Variants in ADAMTSL1 observed in about 807,000 individuals in gnomAD.
ADAMTSL1 encodes ADAMTS like 1, also known as ADAMTS-like protein 1.
ADAMTSL1 carries 126 observed loss-of-function variants against 201.8 expected under a neutral mutation model. The ratio of observed to expected loss-of-function variants is 0.62; its 90% confidence interval spans 0.54 to 0.72. The LOEUF is 0.72. Among genes scored for constraint, ADAMTSL1 ranks in the 30% least tolerant of loss-of-function variants. The probability of loss-of-function intolerance (pLI) is 0.00; values close to 1 mark genes in which losing one functional copy is unlikely to be tolerated. For synonymous variants in ADAMTSL1, 1,121 were observed against 903.4 expected, an observed-to-expected ratio of 1.24 and a Z score of -4.32; for missense variants, 2,679 against 2,277.8, an observed-to-expected ratio of 1.18 and a Z score of -3.59.
chr9:17,957,022 A>T lies in ADAMTSL1; in HGVS notation c.87+50100A>T, dbSNP rs1325911276. On this transcript the variant is annotated intron_variant, in intron 1 of 29. Transcript: ENST00000680146. ...AATGAAATGGCATAGCTATCTCATGATTCAGGATATATACATATTTTCCTA... is the reference window on the plus strand; with the variant it reads ...AATGAAATGGCATAGCTATCTCATGTTTCAGGATATATACATATTTTCCTA... Among the ~76,000 whole-genome samples, 13 of 152,154 alleles carry T rather than the reference A, an allele frequency of 8.5e-5. 1 individual carries two copies. In the East Asian group the frequency reaches 2.5e-3, roughly 29 times the overall value.
intron 2 of ADAMTSL1, among the ~76,000 whole-genome samples, chr9:18,437,003 A>G: frequency 6.6e-6 from 1 of 151,924 alleles, no homozygotes; most frequent in East Asian, 1.9e-4. Context: ...TCTCAAATTG[A>G]AGCCAGGGTG....
rs74712655 is a variant in ADAMTSL1 at position 18,145,575 on chromosome 9, A to G, written c.88-18287A>G. ...AACATGCAACAAAATGAACCCAGAC[A>G]CAGACCTCATATCTTTCATAAACAT... is the stretch of plus-strand genomic sequence containing the variant. On this transcript the variant is annotated intron_variant, in intron 1 of 29. Coordinates refer to the ADAMTSL1 transcript ENST00000680146. Among the ~76,000 whole-genome samples the G allele has an allele frequency of 2.3e-3, 351 of 152,368 alleles. 1 individual carries two copies. Among genetic ancestry groups the G allele is most frequent in the Non-Finnish European group, 3.2e-3 (215 of 68,032 alleles).
chr9:18,742,504 G>C (rs540522370), intron 15 of ADAMTSL1, among the ~76,000 whole-genome samples: 2 of 152,326 alleles, frequency 1.3e-5, no homozygotes, highest in African/African-American at 4.8e-5. Flanking sequence ...AAGTATTGCA[G>C]AATGTAAATG....
At chr9:18,352,109 T>A (rs1245613589) in intron 2 of ADAMTSL1, among the ~76,000 whole-genome samples, 2 of 152,184 alleles carry the variant, frequency 1.3e-5, no homozygotes, top group African/African-American at 4.8e-5. Context: ...AATAGATGTA[T>A]TCTTTGTTCT....
intron 2 of ADAMTSL1, among the ~76,000 whole-genome samples, chr9:18,181,492 T>G (rs1828475398): frequency 1.3e-5 from 2 of 151,712 alleles, no homozygotes; most frequent in South Asian, 4.2e-4. Context: ...GAACAGACAC[T>G]TCTCAAAAGA....
At chr9:18,790,194 C>T (rs764824367) in intron 19 of ADAMTSL1, among the ~76,000 whole-genome samples, 1 of 152,144 alleles carries the variant, frequency 6.6e-6, no homozygotes, top group Non-Finnish European at 1.5e-5. Flanking sequence ...ATGAGATCTT[C>T]GCAAGAACAC....
chr9:18,900,514 CAT>C (rs1362325347), intron 26 of ADAMTSL1, among the ~76,000 whole-genome samples: 1 of 152,142 alleles, frequency 6.6e-6, no homozygotes, highest in African/African-American at 2.4e-5. Context: ...ATAGCAAAGG[CAT>C]GGAATCAACC....
intron 2 of ADAMTSL1, among the ~76,000 whole-genome samples, chr9:18,184,924 G>A (rs569850298): frequency 6.6e-6 from 1 of 152,120 alleles, no homozygotes; most frequent in Admixed American, 6.5e-5. Flanking sequence ...CCTGTTTTGG[G>A]TCTATTGTTC....
At chr9:18,682,087 T>A in intron 12 of ADAMTSL1, 128 bp downstream of exon 12, 1 of 1,105,394 alleles carries the variant, frequency 9.0e-7, no homozygotes, top group Non-Finnish European at 1.3e-6. Context: ...ACTTAAACTC[T>A]ACTAAAGGAA....
chr9:18,636,256 G>A (rs985181210), intron 6 of ADAMTSL1, among the ~76,000 whole-genome samples: 1 of 152,144 alleles, frequency 6.6e-6, no homozygotes, highest in African/African-American at 2.4e-5. Flanking sequence ...CCAATGGGTT[G>A]TTCATGGGTT....
chr9:17,955,763 A>G (rs1438386245), intron 1 of ADAMTSL1, among the ~76,000 whole-genome samples: 2 of 152,114 alleles, frequency 1.3e-5, no homozygotes, highest in Non-Finnish European at 2.9e-5. Flanking sequence ...TTAATCTCTT[A>G]CTGTATCTAA....
chr9:18,674,594 A>G (rs982990967), intron 9 of ADAMTSL1, among the ~76,000 whole-genome samples: 1 of 152,010 alleles, frequency 6.6e-6, no homozygotes, highest in Admixed American at 6.6e-5. Flanking sequence ...TAAACCTACT[A>G]TATCATCTTA....
chr9:18,129,412 G>C (rs1825860380), intron 1 of ADAMTSL1, among the ~76,000 whole-genome samples: 1 of 152,142 alleles, frequency 6.6e-6, no homozygotes, highest in Non-Finnish European at 1.5e-5. Context: ...CACATGGTTT[G>C]TTGATGCCAA....
In ADAMTSL1 at chr9:18,622,239, T is replaced by C; in HGVS notation, c.475-4T>C. The C allele has an allele frequency of 6.2e-7, 1 of 1,613,510 alleles. No individual in the cohort carries two copies. Among genetic ancestry groups the C allele is most frequent in the Non-Finnish European group, 8.5e-7 (1 of 1,179,706 alleles). On this transcript the variant is annotated splice_region_variant and splice_polypyrimidine_tract_variant and intron_variant, in intron 4 of 28. Coordinates refer to ENST00000380548, the MANE Select transcript of ADAMTSL1 (RefSeq NM_001040272.6). ...TTGAATTACACATCTCTCTTTCTTGTTAGATTGTTGGCTGCGATCACCAGC... is the reference window on the plus strand; with the variant it reads ...TTGAATTACACATCTCTCTTTCTTGCTAGATTGTTGGCTGCGATCACCAGC...
chr9:18,688,630 C>A (rs1830993158), intron 13 of ADAMTSL1, among the ~76,000 whole-genome samples: 1 of 111,906 alleles, frequency 8.9e-6, no homozygotes, highest in Admixed American at 1.1e-4. Flanking sequence ...ATCTTGCCAC[C>A]AAACTCCAGC....
intron 2 of ADAMTSL1, among the ~76,000 whole-genome samples, chr9:18,285,477 G>T (rs1029149258): frequency 6.6e-6 from 1 of 152,028 alleles, no homozygotes; most frequent in Non-Finnish European, 1.5e-5. Context: ...TAGAGTTCTA[G>T]CTACTGCAGT....
At chr9:17,956,592 A>C (rs1827941958) in intron 1 of ADAMTSL1, among the ~76,000 whole-genome samples, 1 of 152,176 alleles carries the variant, frequency 6.6e-6, no homozygotes, top group South Asian at 2.1e-4. Flanking sequence ...GAAGGTCTGT[A>C]GCATGACTCA....
intron 2 of ADAMTSL1, among the ~76,000 whole-genome samples, chr9:18,526,197 T>C (rs998608962): frequency 5.9e-5 from 9 of 152,242 alleles, no homozygotes; most frequent in African/African-American, 1.9e-4. Context: ...CATTATGTAA[T>C]AGCCTTCTTT....
intron 2 of ADAMTSL1, among the ~76,000 whole-genome samples, chr9:18,306,537 A>G (rs115596655): frequency 0.017 from 2,644 of 152,294 alleles, 67 homozygotes; most frequent in African/African-American, 0.059. Flanking sequence ...ACGAGAACTC[A>G]TGAAGAATAC....
Sources: allele counts gnomAD v4.1 joint callset (sites outside exome capture counted in the v4.1 genomes callset), GRCh38; gene constraint gnomAD v4.1.1; transcripts MANE v1.5; gene names NCBI Gene and HGNC (gene_info 2026-07-23, HGNC 2026-07-21).